The following SSRP1 variants were observed in gnomAD, a reference collection of about 807,000 sequenced individuals.
SSRP1 encodes the protein FACT complex subunit SSRP1.
A neutral mutation model predicts 84.4 loss-of-function variants in SSRP1; 21 were observed. That is an observed-to-expected ratio of 0.25 (90% CI 0.18 to 0.36). The LOEUF (loss-of-function observed/expected upper bound fraction) is 0.36, where lower values mean the gene tolerates loss of function less well. Ranked by LOEUF, SSRP1 falls within the 10% of genes least tolerant of loss-of-function variation. SSRP1 has a pLI of 1.00. For synonymous variants in SSRP1, 319 were observed against 318.3 expected, an observed-to-expected ratio of 1.00 and a Z score of -0.02; for missense variants, 519 against 900.8, an observed-to-expected ratio of 0.58 and a Z score of 5.43.
intron 9 of SSRP1, among the ~76,000 whole-genome samples, chr11:57,331,446 AG>A (rs1177675846): frequency 1.3e-5 from 2 of 152,032 alleles, no homozygotes; most frequent in Non-Finnish European, 2.9e-5. Flanking sequence ...ATACGGAAAA[AG>A]TTTTTTTTGT....
At chr11:57,331,018 C>G (rs1291082603) in intron 9 of SSRP1, 91 bp from the exon 10 acceptor site, 4 of 1,430,502 alleles carry the variant, frequency 2.8e-6, no homozygotes, top group Non-Finnish European at 3.9e-6. Flanking sequence ...CTGGGGTAGA[C>G]TGTGGAGCCT....
At chr11:57,328,014 T>C (rs2134385619) in intron 13 of SSRP1, 132 bp from the exon 14 acceptor site, 5 of 1,150,456 alleles carry the variant, frequency 4.3e-6, no homozygotes, top group Non-Finnish European at 6.1e-6. Context: ...GAGAGCTCCC[T>C]AAGGGCAAGG....
Position 57,333,543 on chromosome 11 carries a change from G to A in SSRP1, c.241-3C>T. 1 of 1,609,504 alleles carries A rather than the reference G, an allele frequency of 6.2e-7. No individual in the cohort carries two copies. Among genetic ancestry groups the A allele is most frequent in the East Asian group, 2.2e-5 (1 of 44,862 alleles). ...AAATCAGAGAGTTTCTCAAACTCCT[G>A]TGGGTGGAGGGAAGAAAGCACAATC... On this transcript the variant is annotated splice_region_variant and splice_polypyrimidine_tract_variant and intron_variant, in intron 3 of 16. Transcript: ENST00000278412.
intron 9 of SSRP1, among the ~76,000 whole-genome samples, chr11:57,331,446 A>G (rs531513576): frequency 6.0e-4 from 92 of 152,150 alleles, no homozygotes; most frequent in African/African-American, 2.0e-3. Context: ...ATACGGAAAA[A>G]GTTTTTTTTG....
rs1290332001 is a variant in SSRP1 at position 57,332,663 on chromosome 11, A to G, written c.730T>C (p.Leu244=). ...TGGCGCTGGTCCTTGTGGGGTAACAAAAACAGACGCAGTACTGTGGTGTAG... is the reference window on the plus strand; with the variant it reads ...TGGCGCTGGTCCTTGTGGGGTAACAGAAACAGACGCAGTACTGTGGTGTAG... The part of the protein sequence containing the change: ...IPYTTVLRLF[L]LPHKDQRQMF... Residue 244 remains leucine, a synonymous_variant, in exon 6 of 17, where the codon TTG becomes CTG. Transcript: ENST00000278412. The surrounding 1 kb of genome is among the most constrained non-coding windows in gnomAD (Gnocchi z 5.5). 6 of 1,613,746 alleles carry G rather than the reference A, an allele frequency of 3.7e-6. No individual in the cohort carries two copies. In the African/African-American group the frequency reaches 6.7e-5, roughly 18 times the overall value.
At position 57,327,810 on chromosome 11, in the gene SSRP1, G is replaced by A. The variant is rs1198818327; in HGVS notation, c.1684C>T (p.Arg562Ter). ...SAYMLWLNASREKIKSDHPGI... is the reference protein window; with the variant it reads ...SAYMLWLNAS ...GGATGGTCTGACTTGATCTTCTCTC[G>A]GCTGGCATTGAGCCACAGCATGTAT... The change falls in exon 14 of 17, where the codon CGA becomes TGA. Residue 562 changes from arginine (R) to a stop codon, truncating the protein, a stop_gained. Coordinates refer to ENST00000278412, the MANE Select transcript of SSRP1 (RefSeq NM_003146.3). LOFTEE classifies it high-confidence loss of function. The A allele has an allele frequency of 1.9e-6, 3 of 1,614,102 alleles. No homozygotes were observed. Among genetic ancestry groups the A allele is most frequent in the Non-Finnish European group, 2.5e-6 (3 of 1,180,038 alleles).
At position 57,331,888 on chromosome 11, in the gene SSRP1, G is replaced by C; in HGVS notation, c.1003C>G (p.His335Asp). Residue 335 changes from histidine (H) to aspartate (D), a missense_variant and splice_region_variant, in exon 9 of 17, where the codon CAC becomes GAC. Coordinates refer to ENST00000278412, the MANE Select transcript of SSRP1 (RefSeq NM_003146.3). ...CAGGTAATGCACTGGGCCCCTGAGT[G>C]CCTGACAGAGGGTGCAGGGAGCCTG... ...KITVPGNFQG[H>D]SGAQCITCSY... is the part of the protein sequence containing the mutation. 6.2e-7 allele frequency: 1 copy of C among 1,610,476 alleles called. No homozygotes were observed. Among genetic ancestry groups the C allele is most frequent in the Non-Finnish European group, 8.5e-7 (1 of 1,178,472 alleles).
At position 57,330,810 on chromosome 11, in the gene SSRP1, A is replaced by G. The variant is rs1590607739; in HGVS notation, c.1296+45T>C. ...AAAAATCTCCACCCCTTTCTCCCCT[A>G]TAGAAAGACCAGGAGAGGGTCTCAT... On this transcript the variant is annotated intron_variant, in intron 10 of 16. Transcript: ENST00000278412. The surrounding 1 kb of genome is among the most constrained non-coding windows in gnomAD (Gnocchi z 4.0). The G allele has an allele frequency of 3.7e-6, 6 of 1,613,854 alleles. No individual in the cohort carries two copies. Among genetic ancestry groups the G allele is most frequent in the Non-Finnish European group, 5.1e-6 (6 of 1,179,900 alleles).
Position 57,326,347 on chromosome 11 carries a change from AT to A in SSRP1, c.*59del, listed in dbSNP as rs1855979163. The stretch of plus-strand genomic sequence containing the variant: ...TTCATGAGGAGAAACTGGTACCAAA[AT>A]ATGGGTGGGGAGTCGGGGGGTGTGA... On this transcript the variant is annotated 3_prime_UTR_variant, in exon 17 of 17. Coordinates refer to ENST00000278412, the MANE Select transcript of SSRP1 (RefSeq NM_003146.3). 16 of 1,525,108 alleles carry A rather than the reference AT, an allele frequency of 1.0e-5. No homozygotes were observed. The highest frequency in any genetic ancestry group is 5.0e-5 in the Admixed American group (3 of 59,802). 94.5% of individuals were successfully genotyped at this position (1,525,108 alleles called of 1,614,324 possible). A position where few individuals can be genotyped will look rare whatever the true frequency, so the allele number is the denominator to read the frequency against.
Position 57,326,706 on chromosome 11 carries a change from G to C in SSRP1, c.2055C>G (p.Ser685Arg), listed in dbSNP as rs758199473. The C allele has an allele frequency of 2.5e-6, 4 of 1,612,466 alleles. No homozygotes were observed. In the Admixed American group the frequency reaches 6.7e-5, roughly 27 times the overall value. Residue 685 changes from serine (S) to arginine (R), a missense_variant, in exon 16 of 17, where the codon AGC becomes AGG. Transcript: ENST00000278412. ...AGGCCCCACATTCCTGCCGCACCTC[G>C]CTCCTCCTCCTCTTCTTTTTGCTCT... is the stretch of plus-strand genomic sequence containing the variant. Reference protein sequence around the residue: ...ENKSKKKRRRSEDSEEEELAS... With the variant: ...ENKSKKKRRRREDSEEEELAS...
Position 57,327,860 on chromosome 11 carries a change from T to G in SSRP1, c.1634A>C (p.Asn545Thr). The G allele has an allele frequency of 6.2e-7, 1 of 1,614,052 alleles. No homozygotes were observed. Among genetic ancestry groups the G allele is most frequent in the South Asian group, 1.1e-5 (1 of 91,086 alleles). Residue 545 changes from asparagine to threonine, a missense_variant, in exon 14 of 17, where the codon AAT becomes ACT. Asn to Thr is a moderately conservative substitution (Grantham distance 65). Around this residue, in one of 7 missense-constraint regions of SSRP1, gnomAD observed 197 missense variants for 265.0 expected, o/e 0.74. Transcript: ENST00000278412. ...TGCAGACATGGGCCTCTTGGGGGCATTGGGGTCTTTGCCCTTCTTCACCTA... is the reference window on the plus strand; with the variant it reads ...TGCAGACATGGGCCTCTTGGGGGCAGTGGGGTCTTTGCCCTTCTTCACCTA... ...PVEVKKGKDPNAPKRPMSAYM... is the reference protein window; with the variant it reads ...PVEVKKGKDPTAPKRPMSAYM...
Position 57,333,466 on chromosome 11 carries a change from C to T in SSRP1, c.315G>A (p.Lys105=), listed in dbSNP as rs371208487. ...ATTTCACTGTCCCCCAGTTCCAGCC[C>T]TTCACACAAAGGTCCTTCTCCATTA... ...LELMEKDLCV[K]GWNWGTVKFG... is the part of the protein sequence containing the mutation. The change falls in exon 4 of 17, where the codon AAG becomes AAA. Residue 105 remains lysine (K), a synonymous_variant. Coordinates refer to ENST00000278412, the MANE Select transcript of SSRP1 (RefSeq NM_003146.3). 46 of 1,613,950 alleles carry T rather than the reference C, an allele frequency of 2.9e-5. No individual in the cohort carries two copies. Among genetic ancestry groups the T allele is most frequent in the Non-Finnish European group, 3.8e-5 (45 of 1,180,040 alleles).
At position 57,331,828 on chromosome 11, in the gene SSRP1, G is replaced by A. The variant is rs1856096538; in HGVS notation, c.1063C>T (p.Leu355=). 1 of 1,614,206 alleles carries A rather than the reference G, an allele frequency of 6.2e-7. No individual in the cohort carries two copies. The highest frequency in any genetic ancestry group is 1.7e-5 in the Admixed American group (1 of 60,024). Residue 355 remains leucine, a synonymous_variant, in exon 9 of 17, where the codon CTG becomes TTG. Transcript: ENST00000278412. ...YKASSGLLYP[L]ERGFIYVHKP... ...TGGACGTAGATGAAGCCCCGCTCCA[G>A]CGGGTAGAGCAGTCCTGAGCTTGCC...
Position 57,335,033 on chromosome 11 carries a change from T to C in SSRP1, c.54+35A>G. ...ACAAAAACTCTACCCTCCTTCCTTC[T>C]CTCTACTTGTATCACCTGTCCAAGC... is the stretch of plus-strand genomic sequence containing the variant. On this transcript the variant is annotated intron_variant, in intron 2 of 16. Coordinates refer to ENST00000278412, the MANE Select transcript of SSRP1 (RefSeq NM_003146.3). This position sits in a 1 kb window ranked among gnomAD's most constrained non-coding sequence, Gnocchi z 4.6. The C allele has an allele frequency of 1.2e-6, 2 of 1,612,254 alleles. No individual in the cohort carries two copies. Among genetic ancestry groups the C allele is most frequent in the Non-Finnish European group, 1.7e-6 (2 of 1,178,472 alleles).
At position 57,326,705 on chromosome 11, in the gene SSRP1, C is replaced by T. The variant is rs1288161846; in HGVS notation, c.2056G>A (p.Glu686Lys). The T allele has an allele frequency of 3.7e-6, 6 of 1,612,736 alleles. No homozygotes were observed. Among genetic ancestry groups the T allele is most frequent in the African/African-American group, 1.3e-5 (1 of 74,870 alleles). Residue 686 changes from glutamate (E) to lysine (K), a missense_variant and splice_region_variant, in exon 16 of 17, where the codon GAG (glutamate) becomes AAG (lysine). Physicochemically the swap from Glu to Lys is moderately conservative, Grantham distance 56. Around this residue, in one of 7 missense-constraint regions of SSRP1, gnomAD observed 197 missense variants for 265.0 expected, o/e 0.74. Coordinates refer to ENST00000278412, the MANE Select transcript of SSRP1 (RefSeq NM_003146.3). ...NKSKKKRRRS[E>K]DSEEEELAST... ...CAGGCCCCACATTCCTGCCGCACCT[C>T]GCTCCTCCTCCTCTTCTTTTTGCTC...
chr11:57,333,050 T>A lies in SSRP1; in HGVS notation c.446A>T (p.Glu149Val). The A allele has an allele frequency of 6.2e-7, 1 of 1,614,152 alleles. No homozygotes were observed. The change falls in exon 5 of 17, where the codon GAA becomes GTA. Residue 149 changes from glutamate (E) to valine (V), a missense_variant. Coordinates refer to ENST00000278412, the MANE Select transcript of SSRP1 (RefSeq NM_003146.3). ...CTCTGCGTCATCGTTTTGGTGGAATTCCAGTGTCACCTCATTCTTGCCTGT... is the reference window on the plus strand; with the variant it reads ...CTCTGCGTCATCGTTTTGGTGGAATACCAGTGTCACCTCATTCTTGCCTGT... ...CTTGKNEVTL[E>V]FHQNDDAEVS...
chr11:57,328,076 G>A, intron 13 of SSRP1, 194 bp from the exon 14 acceptor site: 1 of 946,458 alleles, frequency 1.1e-6, no homozygotes. Flanking sequence ...CAGGACAGAA[G>A]CCCATCTCCT....
rs1331343622 is a variant in SSRP1 at position 57,332,952 on chromosome 11, G to C, written c.537+7C>G. The stretch of plus-strand genomic sequence containing the variant: ...TCTGCTGCCAAGGCAACCAGGGGAA[G>C]CCTCACCTCAACAGGGTCCACACCA... On this transcript the variant is annotated splice_region_variant and intron_variant, in intron 5 of 16. Transcript: ENST00000278412. This position sits in a 1 kb window ranked among gnomAD's most constrained non-coding sequence, Gnocchi z 5.5. 1 of 1,604,566 alleles carries C rather than the reference G, an allele frequency of 6.2e-7. No homozygotes were observed. The highest frequency in any genetic ancestry group is 8.5e-7 in the Non-Finnish European group (1 of 1,173,388).
In SSRP1 at chr11:57,328,500, C is replaced by G. The variant is rs1590605491; in HGVS notation, c.1482-74G>C. On this transcript the variant is annotated intron_variant, in intron 12 of 16. Transcript: ENST00000278412. Reference sequence around the variant, plus strand: ...CCACGGCCTCAGGACAGGAGGAAGACAAATCCAAAGATACCCACCCAAAAG... The same window carrying G: ...CCACGGCCTCAGGACAGGAGGAAGAGAAATCCAAAGATACCCACCCAAAAG... The G allele has an allele frequency of 2.5e-6, 4 of 1,582,162 alleles. No homozygotes were observed. In the East Asian group the frequency reaches 6.7e-5, roughly 27 times the overall value.
Sources: gnomAD v4.1 joint callset for allele counts (sites outside exome capture counted in the v4.1 genomes callset) on GRCh38, gnomAD v4.1.1 for gene constraint, gnomAD v4.1.1 regional missense constraint, Gnocchi (gnomAD v3.1) non-coding constraint, MANE v1.5 for transcripts, NCBI Gene and HGNC (gene_info 2026-07-23, HGNC 2026-07-21) for gene names.